ASH2L: variants seen among roughly 807,000 people sequenced by gnomAD.
ASH2L encodes ASH2 like, histone lysine methyltransferase complex subunit.
A neutral mutation model predicts 81.1 loss-of-function variants in ASH2L; 30 were observed. The observed-to-expected ratio is 0.37, with a 90% CI of 0.28 to 0.50. ASH2L has a LOEUF of 0.50. Ranked by LOEUF, ASH2L falls within the 20% of genes least tolerant of loss-of-function variation. The pLI, the probability that ASH2L is intolerant of heterozygous loss-of-function variation, is 0.95. For missense variants in ASH2L, 559 were observed against 792.1 expected (o/e 0.71, Z 3.53); for synonymous variants, 273 against 279.9 (o/e 0.98, Z 0.24).
chr8:38,123,649 A>G lies in ASH2L; in HGVS notation c.1165+2500A>G, dbSNP rs879851216. On this transcript the variant is annotated intron_variant, in intron 10 of 15. Coordinates refer to ENST00000343823, the MANE Select transcript of ASH2L (RefSeq NM_004674.5). ...GAGTGAGGATGTGTGAAACATTACT[A>G]TGGTTCTGGGAGTCAGAGCTGTACA... Among the ~76,000 whole-genome samples the G allele has an allele frequency of 6.6e-5, 10 of 152,198 alleles. No individual in the cohort carries two copies. The South Asian group carries it at 1.0e-3, about 16-fold the overall frequency.
chr8:38,120,700 C>A (rs1304706559), intron 9 of ASH2L, among the ~76,000 whole-genome samples: 2 of 137,108 alleles, frequency 1.5e-5, no homozygotes, highest in Non-Finnish European at 3.0e-5. Context: ...GGGAAGATAT[C>A]CACAATCTAC....
chr8:38,119,060 G>C (rs1038749112), intron 8 of ASH2L: 1 of 479,490 alleles, frequency 2.1e-6, no homozygotes, highest in African/African-American at 2.1e-5. Context: ...GGATTCATTT[G>C]AGTTTATTGC....
At position 38,139,305 on chromosome 8, in the gene ASH2L, G is replaced by C. The variant is rs566018246; in HGVS notation, c.*234G>C. ...ATAAGCCAACAACCGCTGACTCCAG[G>C]ATTGCATAAGCCCCCTGTGAAATCG... is the stretch of plus-strand genomic sequence containing the variant. On this transcript the variant is annotated 3_prime_UTR_variant, in exon 16 of 16. Coordinates refer to ENST00000343823, the MANE Select transcript of ASH2L (RefSeq NM_004674.5). 1 of 464,300 alleles carries C rather than the reference G, an allele frequency of 2.2e-6. No homozygotes were observed. Among genetic ancestry groups the C allele is most frequent in the South Asian group, 3.9e-5 (1 of 25,956 alleles). The allele number at this position is 464,300 out of a possible 1,614,324, so 28.8% of individuals were successfully genotyped here.
chr8:38,117,356 G>T, intron 8 of ASH2L: 2 of 682,334 alleles, frequency 2.9e-6, no homozygotes, highest in East Asian at 1.4e-4. Flanking sequence ...TTTAAGGTGG[G>T]TTGGAAATAG....
chr8:38,105,563 G>T lies in ASH2L; in HGVS notation c.13G>T (p.Gly5Ter). Residue 5 changes from glycine (G) to a stop codon, truncating the protein, a stop_gained, in exon 1 of 16, where the codon GGA becomes TGA. Transcript: ENST00000343823. LOFTEE classifies it high-confidence loss of function. Reference sequence around the variant, plus strand: ...AGGGGTGGCCGTGATGGCGGCGGCAGGAGCAGGACCTGGCCAGGAAGCGGG... The same window carrying T: ...AGGGGTGGCCGTGATGGCGGCGGCATGAGCAGGACCTGGCCAGGAAGCGGG... MAAA[G>*]AGPGQEAGAG... 2 of 1,573,100 alleles carry T rather than the reference G, an allele frequency of 1.3e-6. No homozygotes were observed. Among genetic ancestry groups the T allele is most frequent in the Non-Finnish European group, 8.6e-7 (1 of 1,158,200 alleles).
At chr8:38,110,208 G>A (rs976165113) in intron 3 of ASH2L, among the ~76,000 whole-genome samples, 171 bp from the exon 4 acceptor site, 6 of 152,144 alleles carry the variant, frequency 3.9e-5, no homozygotes, top group Admixed American at 3.9e-4. Flanking sequence ...TACTTGGGGG[G>A]CTGAAGTGGG....
intron 12 of ASH2L, 127 bp from the exon 13 acceptor site, chr8:38,133,327 A>G (rs1289716775): frequency 4.2e-5 from 28 of 672,678 alleles, no homozygotes; most frequent in Admixed American, 5.8e-5. Flanking sequence ...GCAAAACTCA[A>G]CTGCAAAGAT....
In ASH2L at chr8:38,139,802, CG is replaced by C. The variant is rs894780945; in HGVS notation, c.*734del. ...GGGAGCTGGCACTGGGAGGAAGAGCCGGGTTTCTGAGTTGTGTTTTGGCTGC... is the reference window on the plus strand; with the variant it reads ...GGGAGCTGGCACTGGGAGGAAGAGCCGGTTTCTGAGTTGTGTTTTGGCTGC... On this transcript the variant is annotated 3_prime_UTR_variant, in exon 16 of 16. Transcript: ENST00000343823. The C allele has an allele frequency of 2.0e-5, 3 of 152,066 alleles. No homozygotes were observed. The highest frequency in any genetic ancestry group is 7.2e-5 in the African/African-American group (3 of 41,388). 9.4% of individuals were successfully genotyped at this position (152,066 alleles called of 1,614,324 possible).
intron 14 of ASH2L, among the ~76,000 whole-genome samples, chr8:38,136,398 T>G (rs1047549934): frequency 1.3e-5 from 2 of 148,208 alleles, no homozygotes; most frequent in African/African-American, 2.5e-5. Context: ...TTAAATATGA[T>G]CCAAACATGA....
At chr8:38,126,722 C>T (rs1198061952) in intron 10 of ASH2L, among the ~76,000 whole-genome samples, 1 of 151,298 alleles carries the variant, frequency 6.6e-6, no homozygotes, top group Non-Finnish European at 1.5e-5. Context: ...GGCGTGGTGG[C>T]GGGCACCTGT....
At chr8:38,134,610 A>G (rs531725581) in intron 13 of ASH2L, among the ~76,000 whole-genome samples, 3 of 152,156 alleles carry the variant, frequency 2.0e-5, no homozygotes, top group Non-Finnish European at 4.4e-5. Flanking sequence ...CAAGCACCAA[A>G]AATAAAAAGG....
At chr8:38,135,804 G>A in intron 14 of ASH2L, 38 bp downstream of exon 14, 1 of 1,484,478 alleles carries the variant, frequency 6.7e-7, no homozygotes, top group Non-Finnish European at 9.2e-7. Flanking sequence ...AAAACTTGAG[G>A]GAAGCAGATG....
chr8:38,106,307 T>C (rs1017530678), intron 1 of ASH2L, 71 bp from the exon 2 acceptor site: 2 of 1,500,272 alleles, frequency 1.3e-6, no homozygotes, highest in African/African-American at 1.4e-5. Context: ...AATTTGATCA[T>C]CATTTTTGGG....
Position 38,105,547 on chromosome 8 carries a change from C to A in ASH2L, c.-4C>A. On this transcript the variant is annotated 5_prime_UTR_variant, in exon 1 of 16. Transcript: ENST00000343823. ...TTCTCGCGAGAAGTCCAGGGGTGGC[C>A]GTGATGGCGGCGGCAGGAGCAGGAC... The A allele has an allele frequency of 6.4e-7, 1 of 1,559,982 alleles. No individual in the cohort carries two copies. The highest frequency in any genetic ancestry group is 8.7e-7 in the Non-Finnish European group (1 of 1,151,420).
At chr8:38,121,282 C>T (rs992253217) in intron 10 of ASH2L, 133 bp downstream of exon 10, 8 of 583,008 alleles carry the variant, frequency 1.4e-5, no homozygotes, top group Non-Finnish European at 1.7e-5. Flanking sequence ...CTAGATTCAT[C>T]CAGAATGTGC....
intron 3 of ASH2L, among the ~76,000 whole-genome samples, chr8:38,107,955 G>A (rs985320919): frequency 4.0e-5 from 6 of 149,736 alleles, no homozygotes; most frequent in African/African-American, 9.9e-5. Flanking sequence ...TTTTTCTTGC[G>A]ACTGGGTCTC....
chr8:38,132,930 C>T (rs925641559), intron 12 of ASH2L, among the ~76,000 whole-genome samples: 7 of 151,858 alleles, frequency 4.6e-5, no homozygotes, highest in African/African-American at 1.5e-4. Context: ...AACCCTGTCT[C>T]TACTAAAAAT....
At chr8:38,114,431 A>T (rs1810811405) in intron 6 of ASH2L, 144 bp downstream of exon 6, 1 of 605,880 alleles carries the variant, frequency 1.7e-6, no homozygotes, top group Non-Finnish European at 2.9e-6. Flanking sequence ...GCTAATTGTG[A>T]ATTTTAGTAG....
chr8:38,110,722 CTTTT>C lies in ASH2L; in HGVS notation c.491-15_491-12del, dbSNP rs1810647104. The C allele has an allele frequency of 6.2e-7, 1 of 1,602,340 alleles. No individual in the cohort carries two copies. Among genetic ancestry groups the C allele is most frequent in the Admixed American group, 1.7e-5 (1 of 59,514 alleles). ...TAGTACTACAGATAACTGTTTCTTC[CTTTT>C]TGTTTTTGATAGACTTGAAGGAAAT... On this transcript the variant is annotated splice_polypyrimidine_tract_variant and intron_variant, in intron 4 of 15. Transcript: ENST00000343823.
Sources: allele counts gnomAD v4.1 joint callset (sites outside exome capture counted in the v4.1 genomes callset), GRCh38; gene constraint gnomAD v4.1.1; transcripts MANE v1.5; gene names NCBI Gene and HGNC (gene_info 2026-07-23, HGNC 2026-07-21).